PF4: variants seen among roughly 807,000 people sequenced by gnomAD.
PF4 encodes the protein C-X-C motif chemokine 4.
In PF4, 8 loss-of-function variants were observed where a neutral mutation model predicts 6.9. The ratio of observed to expected loss-of-function variants is 1.16; its 90% CI spans 0.68 to 2.09. The LOEUF (loss-of-function observed/expected upper bound fraction) is 2.09, where lower values mean the gene tolerates loss of function less well. Ranked by LOEUF, PF4 falls within the 30% of genes most tolerant of loss-of-function variation. The pLI, the probability that PF4 is intolerant of heterozygous loss-of-function variation, is 0.00. For synonymous variants in PF4, 55 were observed against 56.5 expected, an observed-to-expected ratio of 0.97 and a Z score of 0.12; for missense variants, 111 against 122.9, an observed-to-expected ratio of 0.90 and a Z score of 0.46.
rs749081610 is a variant in PF4 at position 73,981,417 on chromosome 4, A to C, written c.218T>G (p.Ile73Arg). The C allele has an allele frequency of 3.1e-6, 5 of 1,614,088 alleles. No homozygotes were observed. In the South Asian group the frequency reaches 4.4e-5, roughly 14 times the overall value. ...TGACAGATGCAGTGCAAGGACTCAC[A>C]TCAGTTGGGCAGTGGGGCAGTGGGG... ...AGPHCPTAQLIATLKNGRKIC... is the reference protein window; with the variant it reads ...AGPHCPTAQLRATLKNGRKIC... Residue 73 changes from isoleucine to arginine, a missense_variant and splice_region_variant, in exon 2 of 3, where the codon ATA (isoleucine) becomes AGA (arginine). By Grantham distance (97) the Ile-to-Arg change is moderately conservative. Coordinates refer to ENST00000296029, the MANE Select transcript of PF4 (RefSeq NM_002619.4).
Position 73,981,182 on chromosome 4 carries a change from C to A in PF4, c.*22G>T, listed in dbSNP as rs763159986. On this transcript the variant is annotated 3_prime_UTR_variant, in exon 3 of 3. Transcript: ENST00000296029. ...AAAGAAGTATGCTATATAGCAAATGCACACACGTAGGCAGCTAGTAGCTAA... is the reference window on the plus strand; with the variant it reads ...AAAGAAGTATGCTATATAGCAAATGAACACACGTAGGCAGCTAGTAGCTAA... 6.4e-7 allele frequency: 1 copy of A among 1,550,596 alleles called. No individual in the cohort carries two copies. The highest frequency in any genetic ancestry group is 8.9e-7 in the Non-Finnish European group (1 of 1,122,070).
upstream of PF4, chr4:73,982,029 A>C: frequency 3.3e-6 from 4 of 1,220,188 alleles, no homozygotes; most frequent in Non-Finnish European, 3.5e-6. Flanking sequence ...GTGGCCAATG[A>C]CTCCTGAGCC....
chr4:73,981,870 G>A lies in PF4; in HGVS notation c.84C>T (p.Phe28=). The A allele has an allele frequency of 2.6e-6, 4 of 1,551,210 alleles. No individual in the cohort carries two copies. Among genetic ancestry groups the A allele is most frequent in the Non-Finnish European group, 3.5e-6 (4 of 1,146,898 alleles). The change falls in exon 1 of 3, where the codon TTC becomes TTT. Residue 28 remains phenylalanine (F), a synonymous_variant. Transcript: ENST00000296029. ...CCTGGCTTCTGCTCTCACCGCTGGC[G>A]AAGGCGACCACAAGTGGCAGGAGCA... is the stretch of plus-strand genomic sequence containing the variant. ...GLLLLPLVVA[F]ASAEAEEDGD...
At chr4:73,981,359 G>C (rs1372091135) in intron 2 of PF4, 58 bp downstream of exon 2, 1 of 1,613,892 alleles carries the variant, frequency 6.2e-7, no homozygotes, top group Non-Finnish European at 8.5e-7. Context: ...AGAAGGGGGA[G>C]GGTTGGGCAG....
chr4:73,981,901 C>T lies in PF4; in HGVS notation c.53G>A (p.Gly18Glu). 1 of 1,551,264 alleles carries T rather than the reference C, an allele frequency of 6.4e-7. No individual in the cohort carries two copies. The highest frequency in any genetic ancestry group is 8.7e-7 in the Non-Finnish European group (1 of 1,146,926). The change falls in exon 1 of 3, where the codon GGG (glycine) becomes GAG (glutamate). Residue 18 changes from glycine (G) to glutamate (E), a missense_variant. By Grantham distance (98) the Gly-to-Glu change is moderately conservative. Transcript: ENST00000296029. ...GACCACAAGTGGCAGGAGCAGCAACCCCAGGAACAGCAGCCCGGGGCGTGA... is the reference window on the plus strand; with the variant it reads ...GACCACAAGTGGCAGGAGCAGCAACTCCAGGAACAGCAGCCCGGGGCGTGA... The part of the protein sequence containing the change: ...CASRPGLLFL[G>E]LLLLPLVVAF...
chr4:73,982,011 G>T lies in PF4; in HGVS notation c.-58C>A. ...CTCAGTGCGATGGGAAACTCGGGCT[G>T]GGTCTCTGTGGCCAATGACTCCTGA... On this transcript the variant is annotated 5_prime_UTR_variant, in exon 1 of 3. Transcript: ENST00000296029. 2 of 1,406,836 alleles carry T rather than the reference G, an allele frequency of 1.4e-6. No homozygotes were observed. Among genetic ancestry groups the T allele is most frequent in the Non-Finnish European group, 2.0e-6 (2 of 1,018,760 alleles). 87.1% of individuals were successfully genotyped at this position (1,406,836 alleles called of 1,614,324 possible).
rs752703711 is a variant in PF4 at position 73,981,990 on chromosome 4, G to T, written c.-37C>A. The T allele has an allele frequency of 3.0e-5, 45 of 1,513,502 alleles. No individual in the cohort carries two copies. The highest frequency in any genetic ancestry group is 2.5e-4 in the South Asian group (21 of 83,232). The allele number at this position is 1,513,502 out of a possible 1,614,324, so 93.8% of individuals were successfully genotyped here. A position where few individuals can be genotyped will look rare whatever the true frequency, so the allele number is the denominator to read the frequency against. On this transcript the variant is annotated 5_prime_UTR_variant, in exon 1 of 3. The change creates a new upstream start codon in the 5' untranslated region. Coordinates refer to ENST00000296029, the MANE Select transcript of PF4 (RefSeq NM_002619.4). ...GCTTCCAGCAGGATCTCAGTGCTCA[G>T]TGCGATGGGAAACTCGGGCTGGGTC...
At position 73,981,212 on chromosome 4, in the gene PF4, C is replaced by T; in HGVS notation, c.298G>A (p.Glu100Lys). 1 of 1,613,542 alleles carries T rather than the reference C, an allele frequency of 6.2e-7. No individual in the cohort carries two copies. Among genetic ancestry groups the T allele is most frequent in the Non-Finnish European group, 8.5e-7 (1 of 1,179,444 alleles). The change falls in exon 3 of 3, where the codon GAG (glutamate) becomes AAG (lysine). Residue 100 changes from glutamate (E) to lysine (K), a missense_variant. Coordinates refer to ENST00000296029, the MANE Select transcript of PF4 (RefSeq NM_002619.4). ...ACGTAGGCAGCTAGTAGCTAACTCT[C>T]CAAAAGTTTCTTAATTATTTTCTTG... Reference protein sequence around the residue: ...LYKKIIKKLLES With the variant: ...LYKKIIKKLLKS
In PF4 at chr4:73,981,070, C is replaced by A. The variant is rs568941777; in HGVS notation, c.*134G>T. 4 of 693,004 alleles carry A rather than the reference C, an allele frequency of 5.8e-6. No homozygotes were observed. Among genetic ancestry groups the A allele is most frequent in the Non-Finnish European group, 9.7e-6 (4 of 413,314 alleles). 42.9% of individuals were successfully genotyped at this position (693,004 alleles called of 1,614,324 possible). ...ATTATTAAGAAGTATTTTGACTATACTACAACTTGATTTATTTTGTTTATT... is the reference window on the plus strand; with the variant it reads ...ATTATTAAGAAGTATTTTGACTATAATACAACTTGATTTATTTTGTTTATT... On this transcript the variant is annotated 3_prime_UTR_variant, in exon 3 of 3. Transcript: ENST00000296029.
chr4:73,981,342 T>C (rs769568490), intron 2 of PF4, 51 bp from the exon 3 acceptor site: 2 of 1,613,946 alleles, frequency 1.2e-6, no homozygotes, highest in South Asian at 2.2e-5. Flanking sequence ...GGTTTGCAAA[T>C]GGCATTAGAA....
intron 1 of PF4, 27 bp downstream of exon 1, chr4:73,981,836 C>T (rs1399354226): frequency 3.9e-6 from 6 of 1,549,510 alleles, no homozygotes; most frequent in Admixed American, 3.9e-5. Context: ...CCGCTGCCAG[C>T]CCTCACAGCC....
Position 73,981,143 on chromosome 4 carries a change from A to G in PF4, c.*61T>C. 1 of 1,143,818 alleles carries G rather than the reference A, an allele frequency of 8.7e-7. No homozygotes were observed. Among genetic ancestry groups the G allele is most frequent in the African/African-American group, 1.5e-5 (1 of 65,512 alleles). 70.9% of individuals were successfully genotyped at this position (1,143,818 alleles called of 1,614,324 possible). On this transcript the variant is annotated 3_prime_UTR_variant, in exon 3 of 3. Coordinates refer to ENST00000296029, the MANE Select transcript of PF4 (RefSeq NM_002619.4). ...ATATCAGAAGTTCTTTCACAGTTAG[A>G]TTGAAACTGGAAAAAAGAAGTATGC...
chr4:73,981,238 T>C lies in PF4; in HGVS notation c.272A>G (p.Tyr91Cys), dbSNP rs1237560151. The change falls in exon 3 of 3, where the codon TAC becomes TGC. Residue 91 changes from tyrosine (Y) to cysteine (C), a missense_variant. Transcript: ENST00000296029. ...CAAAAGTTTCTTAATTATTTTCTTGTACAGCGGGGCTTGCAGGTCCAAGCA... is the reference window on the plus strand; with the variant it reads ...CAAAAGTTTCTTAATTATTTTCTTGCACAGCGGGGCTTGCAGGTCCAAGCA... ...KICLDLQAPL[Y>C]KKIIKKLLES 12 of 1,614,096 alleles carry C rather than the reference T, an allele frequency of 7.4e-6. No homozygotes were observed. The Admixed American group carries it at 1.8e-4, about 25-fold the overall frequency.
chr4:73,982,122 G>A (rs13151226), upstream of PF4: 3 of 259,900 alleles, frequency 1.2e-5, 1 homozygote, highest in East Asian at 1.1e-4. Context: ...CGGAAACTAA[G>A]ATAGTACTGG....
At position 73,980,912 on chromosome 4, in the gene PF4, T is replaced by C. The variant is rs1202181926; in HGVS notation, c.*292A>G. ...AAAGTACTGCAATCATGTAAATGCA[T>C]GAATATGTATCAGCCAACATGTAAC... On this transcript the variant is annotated 3_prime_UTR_variant, in exon 3 of 3. Transcript: ENST00000296029. Among the ~76,000 whole-genome samples, 2 of 152,232 alleles carry C rather than the reference T, an allele frequency of 1.3e-5. No homozygotes were observed. Among genetic ancestry groups the C allele is most frequent in the Non-Finnish European group, 2.9e-5 (2 of 68,034 alleles).
Position 73,981,418 on chromosome 4 carries a change from T to G in PF4, c.217A>C (p.Ile73Leu). Residue 73 changes from isoleucine (I) to leucine (L), a missense_variant and splice_region_variant, in exon 2 of 3, where the codon ATA becomes CTA. Coordinates refer to ENST00000296029, the MANE Select transcript of PF4 (RefSeq NM_002619.4). ...GACAGATGCAGTGCAAGGACTCACA[T>G]CAGTTGGGCAGTGGGGCAGTGGGGT... The part of the protein sequence containing the change: ...AGPHCPTAQL[I>L]ATLKNGRKIC... 1 of 1,614,104 alleles carries G rather than the reference T, an allele frequency of 6.2e-7. No homozygotes were observed. The highest frequency in any genetic ancestry group is 8.5e-7 in the Non-Finnish European group (1 of 1,179,998).
chr4:73,982,037 G>T, upstream of PF4: 1 of 1,126,580 alleles, frequency 8.9e-7, no homozygotes, highest in Non-Finnish European at 1.3e-6. Context: ...TGACTCCTGA[G>T]CCTCGCCGGC....
In PF4 at chr4:73,980,913, G is replaced by A. The variant is rs41265667; in HGVS notation, c.*291C>T. Among the ~76,000 whole-genome samples the A allele has an allele frequency of 6.6e-6, 1 of 152,200 alleles. No individual in the cohort carries two copies. Among genetic ancestry groups the A allele is most frequent in the East Asian group, 1.9e-4 (1 of 5,194 alleles). ...AAGTACTGCAATCATGTAAATGCAT[G>A]AATATGTATCAGCCAACATGTAACA... On this transcript the variant is annotated 3_prime_UTR_variant, in exon 3 of 3. Coordinates refer to ENST00000296029, the MANE Select transcript of PF4 (RefSeq NM_002619.4).
chr4:73,981,880 A>G lies in PF4; in HGVS notation c.74T>C (p.Val25Ala), dbSNP rs1718808347. The G allele has an allele frequency of 2.6e-6, 4 of 1,551,296 alleles. No individual in the cohort carries two copies. The highest frequency in any genetic ancestry group is 1.7e-4 in the Middle Eastern group (1 of 5,920). The change falls in exon 1 of 3, where the codon GTG becomes GCG. Residue 25 changes from valine (V) to alanine (A), a missense_variant. By Grantham distance (64) the Val-to-Ala change is moderately conservative (BLOSUM62 0). Coordinates refer to ENST00000296029, the MANE Select transcript of PF4 (RefSeq NM_002619.4). ...GCTCTCACCGCTGGCGAAGGCGACC[A>G]CAAGTGGCAGGAGCAGCAACCCCAG... ...LFLGLLLLPL[V>A]VAFASAEAEE...
Sources: gnomAD v4.1 joint callset for allele counts (sites outside exome capture counted in the v4.1 genomes callset) on GRCh38, gnomAD v4.1.1 for gene constraint, MANE v1.5 for transcripts, NCBI Gene and HGNC (gene_info 2026-07-23, HGNC 2026-07-21) for gene names.